The following GPBP1 variants were observed in gnomAD, a reference collection of about 807,000 sequenced individuals.
GPBP1 encodes vasculin.
GPBP1 carries 13 observed loss-of-function variants against 56.5 expected under a neutral mutation model. That is an observed-to-expected ratio of 0.23 (90% CI 0.15 to 0.37). The LOEUF is 0.37. GPBP1 is among the 10% of genes least tolerant of loss of function. The pLI is 1.00. For synonymous variants in GPBP1, 204 were observed against 188.9 expected (o/e 1.08, Z -0.66); for missense variants, 477 against 572.3 (o/e 0.83, Z 1.70).
chr5:57,198,741 G>A (rs1754873441), intron 2 of GPBP1, among the ~76,000 whole-genome samples: 2 of 152,092 alleles, frequency 1.3e-5, no homozygotes, highest in Admixed American at 1.3e-4. Context: ...CCAGCTACTC[G>A]GGAGGCTGAG....
intron 2 of GPBP1, among the ~76,000 whole-genome samples, chr5:57,193,484 T>TG (rs1263772312): frequency 1.3e-5 from 2 of 151,444 alleles, no homozygotes; most frequent in African/African-American, 4.9e-5. Flanking sequence ...CATGGTGACT[T>TG]GCGCCTGTAG....
At chr5:57,232,624 T>G (rs1756506885) in intron 5 of GPBP1, among the ~76,000 whole-genome samples, 1 of 152,186 alleles carries the variant, frequency 6.6e-6, no homozygotes, top group South Asian at 2.1e-4. Context: ...AGTTCTAAGG[T>G]GCTAGCCAAT....
chr5:57,215,008 A>G (rs188958802), intron 3 of GPBP1, among the ~76,000 whole-genome samples: 16 of 152,208 alleles, frequency 1.1e-4, no homozygotes, highest in Admixed American at 3.9e-4. Context: ...ATCAGCGTAC[A>G]CTAAGCCATT....
chr5:57,209,320 T>A (rs1755376807), intron 2 of GPBP1, among the ~76,000 whole-genome samples: 1 of 152,186 alleles, frequency 6.6e-6, no homozygotes, highest in Non-Finnish European at 1.5e-5. Flanking sequence ...CGACACTGTC[T>A]CACTATGTTC....
intron 2 of GPBP1, among the ~76,000 whole-genome samples, chr5:57,185,381 C>T (rs1272478501): frequency 1.3e-5 from 2 of 151,760 alleles, no homozygotes; most frequent in African/African-American, 2.4e-5. Context: ...CCTGTCTCAG[C>T]GTCTGAGTAG....
chr5:57,230,349 A>G (rs370601577), intron 3 of GPBP1, among the ~76,000 whole-genome samples: 2 of 152,220 alleles, frequency 1.3e-5, no homozygotes, highest in Non-Finnish European at 1.5e-5. Flanking sequence ...CTGTATTTCT[A>G]ATTTTTTGGA....
At chr5:57,187,996 A>C (rs971357561) in intron 2 of GPBP1, among the ~76,000 whole-genome samples, 1 of 152,024 alleles carries the variant, frequency 6.6e-6, no homozygotes, top group African/African-American at 2.4e-5. Context: ...TAATCTCAGC[A>C]CTTTGGGAGG....
intron 2 of GPBP1, among the ~76,000 whole-genome samples, chr5:57,181,657 A>G (rs1754055885): frequency 6.6e-6 from 1 of 152,048 alleles, no homozygotes; most frequent in African/African-American, 2.4e-5. Flanking sequence ...TCCTGACCTC[A>G]GGTGTTCTAC....
At chr5:57,182,334 T>G (rs1754086136) in intron 2 of GPBP1, among the ~76,000 whole-genome samples, 1 of 151,280 alleles carries the variant, frequency 6.6e-6, no homozygotes. Flanking sequence ...TCTGCCCACC[T>G]CAGCCTCCCA....
At chr5:57,219,375 C>CAAAAAAAAAAAAAAAAACAAAAAAACCA (rs1755830096) in intron 3 of GPBP1, among the ~76,000 whole-genome samples, 1 of 35,318 alleles carries the variant, frequency 2.8e-5, no homozygotes, top group Non-Finnish European at 5.0e-5. Context: ...GACTCTGTCT[C>CAAAAAAAAAAAAAAAAACAAAAAAACCA]AAAAAAAAAA....
In GPBP1 at chr5:57,253,475, C is replaced by T. The variant is rs1007185296; in HGVS notation, c.1160+2334C>T. Among the ~76,000 whole-genome samples, 155 of 152,240 alleles carry T rather than the reference C, an allele frequency of 1.0e-3. 3 individuals are homozygous for T. Among genetic ancestry groups the T allele is most frequent in the Admixed American group, 0.01 (153 of 15,294 alleles). On this transcript the variant is annotated intron_variant, in intron 10 of 11. Coordinates refer to ENST00000506184, the MANE Select transcript of GPBP1 (RefSeq NM_022913.4). ...CTGGGTTATATCTCCTCTTGGATAA[C>T]TTTTGTGGAATTTATTTATAATTTC...
chr5:57,210,108 A>C (rs1755408885), intron 2 of GPBP1, among the ~76,000 whole-genome samples: 2 of 152,192 alleles, frequency 1.3e-5, no homozygotes. Context: ...GTCAGAAATA[A>C]AACATAACAA....
chr5:57,227,611 T>C (rs1333038303), intron 3 of GPBP1, among the ~76,000 whole-genome samples: 1 of 152,230 alleles, frequency 6.6e-6, no homozygotes, highest in Admixed American at 6.5e-5. Context: ...GCTCTTTATA[T>C]ATGTGGTTGA....
At chr5:57,243,082 T>A (rs557880203) in intron 6 of GPBP1, among the ~76,000 whole-genome samples, 3 of 146,158 alleles carry the variant, frequency 2.1e-5, no homozygotes, top group Admixed American at 2.0e-4. Context: ...TTTTTCTTTT[T>A]TTTGAGATGG....
At position 57,200,570 on chromosome 5, in the gene GPBP1, A is replaced by G. The variant is rs545619039; in HGVS notation, c.-57-13504A>G. 4.1e-4 allele frequency among the ~76,000 whole-genome samples: 63 copies of G among 151,918 alleles called. 2 individuals are homozygous for G. In the South Asian group the frequency reaches 0.013, roughly 31 times the overall value. On this transcript the variant is annotated intron_variant, in intron 2 of 11. Coordinates refer to ENST00000506184, the MANE Select transcript of GPBP1 (RefSeq NM_022913.4). The stretch of plus-strand genomic sequence containing the variant: ...CTTTAGTAGAGTCAGGGTTTCACCA[A>G]GTTGGCCAGGCTGGCCTCGACCTCC...
chr5:57,191,905 A>G (rs997679085), intron 2 of GPBP1, among the ~76,000 whole-genome samples: 9 of 152,126 alleles, frequency 5.9e-5, no homozygotes, highest in African/African-American at 2.2e-4. Context: ...GCAGAATTTA[A>G]GACTTATCAT....
intron 3 of GPBP1, among the ~76,000 whole-genome samples, chr5:57,227,247 A>G (rs1169115448): frequency 1.3e-5 from 2 of 151,994 alleles, no homozygotes; most frequent in Non-Finnish European, 2.9e-5. Flanking sequence ...AATTTAGTGT[A>G]TTTAGTGAGC....
intron 2 of GPBP1, among the ~76,000 whole-genome samples, chr5:57,196,481 T>G (rs1754753281): frequency 6.6e-6 from 1 of 152,220 alleles, no homozygotes; most frequent in South Asian, 2.1e-4. Flanking sequence ...TCCACCTGTT[T>G]TGTGTTGTGT....
intron 2 of GPBP1, among the ~76,000 whole-genome samples, chr5:57,189,649 C>G (rs1004818959): frequency 6.6e-6 from 1 of 152,198 alleles, no homozygotes; most frequent in African/African-American, 2.4e-5. Flanking sequence ...AGCAGTGATC[C>G]TTTAAAAATG....
Sources: allele counts gnomAD v4.1 joint callset (sites outside exome capture counted in the v4.1 genomes callset), GRCh38; gene constraint gnomAD v4.1.1; transcripts MANE v1.5; gene names NCBI Gene and HGNC (gene_info 2026-07-23, HGNC 2026-07-21).